The following CAMTA1 variants were observed in gnomAD, a reference collection of about 807,000 sequenced individuals.
CAMTA1 encodes the protein calmodulin-binding transcription activator 1.
CAMTA1 carries 27 observed loss-of-function variants against 170.9 expected under a neutral mutation model. That is an observed-to-expected ratio of 0.16 (90% confidence interval 0.12 to 0.22). The LOEUF is 0.22. Among genes scored for constraint, CAMTA1 ranks in the 10% least tolerant of loss-of-function variants. The pLI, the probability that CAMTA1 is intolerant of heterozygous loss-of-function variation, is 1.00. For synonymous variants in CAMTA1, 833 were observed against 891.5 expected (o/e 0.93, Z 1.17); for missense variants, 1,619 against 2,217.2 (o/e 0.73, Z 5.42).
At chr1:7,701,170 T>C (rs1024412040) in intron 11 of CAMTA1, among the ~76,000 whole-genome samples, 9 of 152,248 alleles carry the variant, frequency 5.9e-5, no homozygotes, top group African/African-American at 2.2e-4. Flanking sequence ...GATCCACTGC[T>C]TTCCAGCTGT....
chr1:7,708,664 C>T (rs1291095072), intron 11 of CAMTA1, among the ~76,000 whole-genome samples: 1 of 152,154 alleles, frequency 6.6e-6, no homozygotes, highest in Non-Finnish European at 1.5e-5. Context: ...GAAAATAGAG[C>T]ATAGCTTTAG....
rs2096247275 is a variant in CAMTA1, at chr1:7,685,108, C to T, written c.2914+7375C>T. 6.6e-6 allele frequency among the ~76,000 whole-genome samples: 1 copy of T among 152,060 alleles called. No individual in the cohort carries two copies. Among genetic ancestry groups the T allele is most frequent in the Non-Finnish European group, 1.5e-5 (1 of 68,004 alleles). Reference sequence around the variant, plus strand: ...TGGCGTGTTTTGAGGAGTTCGCAGGCACCGTCCTGCGGTCACAGGTGGTGT... The same window carrying T: ...TGGCGTGTTTTGAGGAGTTCGCAGGTACCGTCCTGCGGTCACAGGTGGTGT... On this transcript the variant is annotated intron_variant, in intron 11 of 22. Coordinates refer to ENST00000303635, the MANE Select transcript of CAMTA1 (RefSeq NM_015215.4). The surrounding 1 kb of genome is among the most constrained non-coding windows in gnomAD (Gnocchi z 5.7).
intron 6 of CAMTA1, among the ~76,000 whole-genome samples, chr1:7,483,348 G>A (rs1032338461): frequency 4.9e-4 from 75 of 152,330 alleles, no homozygotes; most frequent in South Asian, 4.1e-4. Context: ...ATCTGGTGCA[G>A]AGCAGCCCGT....
At chr1:7,104,512 G>A (rs1028065645) in intron 4 of CAMTA1, among the ~76,000 whole-genome samples, 18 of 152,326 alleles carry the variant, frequency 1.2e-4, no homozygotes, top group Admixed American at 1.1e-3. Flanking sequence ...TGAGTGTGGA[G>A]AGCCAGAGGA....
At chr1:7,272,382 G>A (rs1421460945) in intron 5 of CAMTA1, among the ~76,000 whole-genome samples, 1 of 152,028 alleles carries the variant, frequency 6.6e-6, no homozygotes, top group Non-Finnish European at 1.5e-5. Flanking sequence ...CTTTTTAAAA[G>A]AAATTGACAA....
chr1:7,437,234 G>A (rs1403633132), intron 5 of CAMTA1, among the ~76,000 whole-genome samples: 5 of 152,160 alleles, frequency 3.3e-5, no homozygotes, highest in East Asian at 3.9e-4. Context: ...CCTGGAAAGC[G>A]GATCATCCTC....
rs369885527 is a variant in CAMTA1 at position 7,737,229 on chromosome 1, G to C, written c.3343-26G>C. The C allele has an allele frequency of 5.6e-6, 9 of 1,602,278 alleles. No individual in the cohort carries two copies. In the African/African-American group the frequency reaches 1.2e-4, roughly 21 times the overall value. Reference sequence around the variant, plus strand: ...CTGGTCTTGACCTCTGATTGAGAACGCTTGCTGTGTCTCCCTGTCTTCTAG... The same window carrying C: ...CTGGTCTTGACCTCTGATTGAGAACCCTTGCTGTGTCTCCCTGTCTTCTAG... On this transcript the variant is annotated intron_variant, in intron 14 of 22. Coordinates refer to ENST00000303635, the MANE Select transcript of CAMTA1 (RefSeq NM_015215.4).
intron 6 of CAMTA1, among the ~76,000 whole-genome samples, chr1:7,498,492 A>G (rs1490736311): frequency 6.6e-6 from 1 of 151,044 alleles, no homozygotes; most frequent in Admixed American, 6.6e-5. Flanking sequence ...CATGTATGAG[A>G]GTGAGTGTGG....
chr1:7,060,800 G>A (rs1339148418), intron 3 of CAMTA1, among the ~76,000 whole-genome samples: 1 of 152,222 alleles, frequency 6.6e-6, no homozygotes, highest in Admixed American at 6.5e-5. Context: ...CATTGAAATT[G>A]TTCAAGAATT....
intron 6 of CAMTA1, among the ~76,000 whole-genome samples, chr1:7,551,102 C>A (rs1361413796): frequency 1.3e-5 from 2 of 152,166 alleles, no homozygotes; most frequent in Admixed American, 1.3e-4. Context: ...TTCACCCTCA[C>A]AGGGAGGGAA....
intron 4 of CAMTA1, among the ~76,000 whole-genome samples, chr1:7,103,592 AAC>A (rs1343275602): frequency 1.3e-4 from 19 of 147,868 alleles, no homozygotes; most frequent in Admixed American, 2.7e-4. Context: ...ATGTACACAC[AAC>A]ACACATGTAC....
chr1:6,973,927 C>T (rs982980847), intron 3 of CAMTA1, among the ~76,000 whole-genome samples: 3 of 152,222 alleles, frequency 2.0e-5, no homozygotes, highest in African/African-American at 7.2e-5. Flanking sequence ...TGAATCTCAG[C>T]GCCAAAAGGA....
intron 6 of CAMTA1, among the ~76,000 whole-genome samples, chr1:7,512,269 T>C (rs2094211219): frequency 6.6e-6 from 1 of 152,198 alleles, no homozygotes; most frequent in South Asian, 2.1e-4. Context: ...ATGGGCAGAA[T>C]CATCAGTTAT....
At chr1:7,415,357 G>A (rs2091086752) in intron 5 of CAMTA1, among the ~76,000 whole-genome samples, 1 of 151,318 alleles carries the variant, frequency 6.6e-6, no homozygotes, top group South Asian at 2.1e-4. Flanking sequence ...TTGACAGTGG[G>A]GTGTTAAATT....
intron 21 of CAMTA1, among the ~76,000 whole-genome samples, chr1:7,754,536 G>T (rs1427748493): frequency 1.3e-5 from 2 of 152,202 alleles, no homozygotes; most frequent in Non-Finnish European, 1.5e-5. Context: ...CCCCCACAAA[G>T]TAAGCTGAAC....
chr1:6,926,522 TTCTTTC>T (rs1307812452), intron 3 of CAMTA1, among the ~76,000 whole-genome samples: 2 of 145,482 alleles, frequency 1.4e-5, no homozygotes, highest in African/African-American at 5.2e-5. Context: ...CCTTCCTTCT[TTCTTTC>T]TCTCTCTCTT....
At chr1:7,360,731 G>T (rs1451861176) in intron 5 of CAMTA1, among the ~76,000 whole-genome samples, 1 of 152,162 alleles carries the variant, frequency 6.6e-6, no homozygotes, top group Non-Finnish European at 1.5e-5. Flanking sequence ...GAGTGAGCAG[G>T]CTGTGCTGGC....
At chr1:7,148,341 TCAAA>T (rs771102912) in intron 4 of CAMTA1, among the ~76,000 whole-genome samples, 4 of 150,544 alleles carry the variant, frequency 2.7e-5, no homozygotes, top group African/African-American at 4.9e-5. Flanking sequence ...CACCACACAC[TCAAA>T]CATACACTAC....
At chr1:7,502,674 G>T (rs1208995418) in intron 6 of CAMTA1, among the ~76,000 whole-genome samples, 2 of 152,204 alleles carry the variant, frequency 1.3e-5, no homozygotes, top group Non-Finnish European at 2.9e-5. Flanking sequence ...AAGCCCCAGG[G>T]CTCTGGAATC....
Sources: gnomAD v4.1 joint callset for allele counts (sites outside exome capture counted in the v4.1 genomes callset) on GRCh38, gnomAD v4.1.1 for gene constraint, Gnocchi (gnomAD v3.1) non-coding constraint, MANE v1.5 for transcripts, NCBI Gene and HGNC (gene_info 2026-07-23, HGNC 2026-07-21) for gene names.